ZNF573: variants seen among roughly 807,000 people sequenced by gnomAD.
The protein encoded by ZNF573 is zinc finger protein 573.
In ZNF573, 41 loss-of-function variants were observed where a neutral mutation model predicts 57.4. The ratio of observed to expected loss-of-function variants is 0.71; its 90% CI spans 0.56 to 0.93. ZNF573 has a LOEUF of 0.93. ZNF573 is among the 40% of genes least tolerant of loss of function. The pLI is 0.00. For missense variants in ZNF573, 730 were observed against 794.8 expected (o/e 0.92, Z 0.98); for synonymous variants, 249 against 261.0 (o/e 0.95, Z 0.44).
intron 4 of ZNF573, among the ~76,000 whole-genome samples, chr19:37,767,196 C>T (rs2045609046): frequency 6.6e-6 from 1 of 152,136 alleles, no homozygotes; most frequent in Non-Finnish European, 1.5e-5. Flanking sequence ...TCCTAGTTCC[C>T]CCTTCGCCAA....
intron 4 of ZNF573, among the ~76,000 whole-genome samples, chr19:37,756,131 T>C (rs146182523): frequency 6.6e-6 from 1 of 152,342 alleles, no homozygotes; most frequent in Non-Finnish European, 1.5e-5. Flanking sequence ...ACAGAGTTGT[T>C]ATATCTCAGT....
intron 4 of ZNF573, among the ~76,000 whole-genome samples, chr19:37,765,397 G>A (rs1447063961): frequency 6.6e-6 from 1 of 152,150 alleles, no homozygotes; most frequent in Non-Finnish European, 1.5e-5. Context: ...CATATCAGAT[G>A]GGAGAAGGCT....
At chr19:37,740,290 G>A (rs1418497578) in intron 4 of ZNF573, 96 bp from the exon 5 acceptor site, 5 of 1,145,862 alleles carry the variant, frequency 4.4e-6, no homozygotes, top group East Asian at 4.7e-5. Flanking sequence ...CATAATAAGT[G>A]AATGGCATAT....
intron 4 of ZNF573, among the ~76,000 whole-genome samples, chr19:37,763,640 A>G (rs2045573422): frequency 1.3e-5 from 2 of 152,232 alleles, no homozygotes; most frequent in African/African-American, 2.4e-5. Flanking sequence ...ATGACTATAT[A>G]TTTCATAATA....
At chr19:37,741,974 A>G (rs2045331531) in intron 4 of ZNF573, among the ~76,000 whole-genome samples, 1 of 152,228 alleles carries the variant, frequency 6.6e-6, no homozygotes, top group Non-Finnish European at 1.5e-5. Flanking sequence ...AACTTCAGCC[A>G]AGTCTCAGGG....
intron 4 of ZNF573, among the ~76,000 whole-genome samples, chr19:37,764,249 G>A (rs2045579589): frequency 6.6e-6 from 1 of 151,032 alleles, no homozygotes; most frequent in Non-Finnish European, 1.5e-5. Flanking sequence ...AACTCATTAG[G>A]TAATTTATTT....
chr19:37,755,333 T>A (rs1345710100), intron 4 of ZNF573: 1 of 152,206 alleles, frequency 6.6e-6, no homozygotes, highest in East Asian at 1.9e-4. Context: ...GATAATAAAC[T>A]TTATTTCAAG....
chr19:37,766,305 A>C (rs2045601852), intron 4 of ZNF573, among the ~76,000 whole-genome samples: 2 of 152,104 alleles, frequency 1.3e-5, no homozygotes, highest in Non-Finnish European at 2.9e-5. Flanking sequence ...TCACTCCCAC[A>C]CTCAGCCTTG....
At chr19:37,768,796 G>T (rs2045625244) in intron 4 of ZNF573, among the ~76,000 whole-genome samples, 4 of 151,652 alleles carry the variant, frequency 2.6e-5, no homozygotes, top group Admixed American at 2.6e-4. Context: ...CTCCTGAGTA[G>T]CTGGGACTAC....
chr19:37,765,147 C>A (rs2045590428), intron 4 of ZNF573, among the ~76,000 whole-genome samples: 1 of 152,066 alleles, frequency 6.6e-6, no homozygotes, highest in Non-Finnish European at 1.5e-5. Flanking sequence ...CTCAGGCTGG[C>A]CTCCCAAAGT....
At chr19:37,759,413 T>G (rs1242065769) in intron 4 of ZNF573, among the ~76,000 whole-genome samples, 4 of 152,194 alleles carry the variant, frequency 2.6e-5, no homozygotes, top group Admixed American at 6.5e-5. Context: ...AAAACTATCA[T>G]TTTTCAAATT....
chr19:37,767,131 C>T (rs1368981986), intron 4 of ZNF573, among the ~76,000 whole-genome samples: 1 of 152,152 alleles, frequency 6.6e-6, no homozygotes, highest in Non-Finnish European at 1.5e-5. Flanking sequence ...CTTCTCGGAC[C>T]CCTGCTGACA....
chr19:37,771,795 G>A, intron 2 of ZNF573, 99 bp from the exon 3 acceptor site: 1 of 1,277,694 alleles, frequency 7.8e-7, no homozygotes, highest in South Asian at 1.4e-5. Context: ...TATAGTATAT[G>A]TGGCTAATGA....
chr19:37,776,350 C>A (rs752794350), intron 1 of ZNF573, among the ~76,000 whole-genome samples: 48 of 152,112 alleles, frequency 3.2e-4, no homozygotes, highest in Non-Finnish European at 3.5e-4. Context: ...GCCAACTGAT[C>A]TTCGACAAAG....
chr19:37,746,364 T>C (rs2045382474), intron 4 of ZNF573, among the ~76,000 whole-genome samples: 1 of 152,150 alleles, frequency 6.6e-6, no homozygotes, highest in African/African-American at 2.4e-5. Context: ...CAGAAATAAA[T>C]GGTGGACGGG....
At position 37,739,126 on chromosome 19, in the gene ZNF573, C is replaced by G. The variant is rs1462390440; in HGVS notation, c.1364G>C (p.Arg455Thr). The G allele has an allele frequency of 5.0e-6, 8 of 1,613,020 alleles. No homozygotes were observed. In the Admixed American group the frequency reaches 1.3e-4, roughly 27 times the overall value. ...AATATTCTGATGTCGAGTAAGATTT[C>G]TATACAAAGTAAAGGTTTTTTTACA... is the stretch of plus-strand genomic sequence containing the variant. ...KECKKTFTLY[R>T]NLTRHQNIHT... is the part of the protein sequence containing the mutation. Residue 455 changes from arginine (R) to threonine (T), a missense_variant, in exon 5 of 5, where the codon AGA becomes ACA. Arg to Thr is a moderately conservative substitution (Grantham distance 71). Coordinates refer to ENST00000536220, the MANE Select transcript of ZNF573 (RefSeq NM_001172690.2).
Position 37,740,337 on chromosome 19 carries a change from C to T in ZNF573, c.296-143G>A. 7.0e-6 allele frequency: 5 copies of T among 713,278 alleles called. No homozygotes were observed. The South Asian group carries it at 8.2e-5, about 12-fold the overall frequency. 44.2% of individuals were successfully genotyped at this position (713,278 alleles called of 1,614,324 possible). A position where few individuals can be genotyped will look rare whatever the true frequency, so the allele number is the denominator to read the frequency against. On this transcript the variant is annotated intron_variant, in intron 4 of 4. Transcript: ENST00000536220. Reference sequence around the variant, plus strand: ...ATATGGTTACGAAATTTGAAAAAGGCCAAAAAGAGTTCAGAGACGTATGAG... The same window carrying T: ...ATATGGTTACGAAATTTGAAAAAGGTCAAAAAGAGTTCAGAGACGTATGAG...
At chr19:37,760,776 C>G (rs906327734) in intron 4 of ZNF573, among the ~76,000 whole-genome samples, 8 of 149,942 alleles carry the variant, frequency 5.3e-5, no homozygotes, top group African/African-American at 2.0e-4. Flanking sequence ...GAGCTGAGAT[C>G]GCGCCATTGC....
chr19:37,762,231 T>A (rs1032615637), intron 4 of ZNF573, among the ~76,000 whole-genome samples: 5 of 152,342 alleles, frequency 3.3e-5, no homozygotes, highest in Admixed American at 6.5e-5. Context: ...TGCAAAGATG[T>A]CAATTTCATG....
Sources: gnomAD v4.1 joint callset for allele counts (sites outside exome capture counted in the v4.1 genomes callset) on GRCh38, gnomAD v4.1.1 for gene constraint, MANE v1.5 for transcripts, NCBI Gene and HGNC (gene_info 2026-07-23, HGNC 2026-07-21) for gene names.